CCDC73: variants seen among roughly 807,000 people sequenced by gnomAD.
The protein encoded by CCDC73 is coiled-coil domain-containing protein 73.
A neutral mutation model predicts 116.5 loss-of-function variants in CCDC73; 95 were observed. That is an observed-to-expected ratio of 0.82 (90% CI 0.69 to 0.97). CCDC73 has a LOEUF of 0.97. Among genes scored for constraint, CCDC73 ranks in the 50% least tolerant of loss-of-function variants. The pLI is 0.00. For synonymous variants in CCDC73, 398 were observed against 401.3 expected (o/e 0.99, Z 0.10); for missense variants, 1,066 against 1,206.8 (o/e 0.88, Z 1.73).
intron 1 of CCDC73, among the ~76,000 whole-genome samples, chr11:32,766,455 C>T (rs1850442987): frequency 6.6e-6 from 1 of 152,104 alleles, no homozygotes; most frequent in South Asian, 2.1e-4. Context: ...AAGTTCTGGC[C>T]AGGGCAATCA....
intron 14 of CCDC73, among the ~76,000 whole-genome samples, chr11:32,617,720 CT>C (rs1292304960): frequency 2.6e-5 from 4 of 152,120 alleles, no homozygotes; most frequent in Non-Finnish European, 5.9e-5. Flanking sequence ...AAGTAGATGA[CT>C]GGTGGATGTC....
chr11:32,662,901 C>T (rs1479281890), intron 9 of CCDC73, among the ~76,000 whole-genome samples: 1 of 152,200 alleles, frequency 6.6e-6, no homozygotes, highest in African/African-American at 2.4e-5. Flanking sequence ...CAGCTTTCTA[C>T]ATATGGCTAG....
At chr11:32,723,526 C>G (rs1428921669) in intron 2 of CCDC73, among the ~76,000 whole-genome samples, 5 of 152,086 alleles carry the variant, frequency 3.3e-5, no homozygotes, top group Non-Finnish European at 7.4e-5. Flanking sequence ...GTACAAGTAC[C>G]CAGTTACAAT....
In CCDC73 at chr11:32,619,121, C is replaced by T. The variant is rs140914358; in HGVS notation, c.1186-2992G>A. ...ATTGTTTGCATGGGTTGTCTATTTA[C>T]TCTGTTGATAGTTTTGTTTTTTTAC... On this transcript the variant is annotated intron_variant, in intron 14 of 17. Coordinates refer to ENST00000335185, the MANE Select transcript of CCDC73 (RefSeq NM_001008391.4). Among the ~76,000 whole-genome samples the T allele has an allele frequency of 7.4e-3, 1,129 of 152,228 alleles. 11 individuals are homozygous for T. Among genetic ancestry groups the T allele is most frequent in the Middle Eastern group, 0.014 (4 of 294 alleles).
chr11:32,707,324 C>G (rs952682754), intron 3 of CCDC73, among the ~76,000 whole-genome samples: 2 of 151,852 alleles, frequency 1.3e-5, no homozygotes, highest in African/African-American at 4.8e-5. Flanking sequence ...AACATTTTAC[C>G]CACTTCTTTG....
chr11:32,639,833 G>C (rs1855716710), intron 13 of CCDC73, among the ~76,000 whole-genome samples: 2 of 151,676 alleles, frequency 1.3e-5, no homozygotes, highest in Admixed American at 1.3e-4. Flanking sequence ...ACAACCATTG[G>C]TTATATATCT....
In CCDC73 at chr11:32,712,453, G is replaced by A. The variant is rs546946408; in HGVS notation, c.207+5623C>T. The stretch of plus-strand genomic sequence containing the variant: ...ATAAAAAAATAAGCATTGAAGTGAT[G>A]GATATGTTAATTAGTTTGATATAAC... On this transcript the variant is annotated intron_variant, in intron 3 of 17. Coordinates refer to ENST00000335185, the MANE Select transcript of CCDC73 (RefSeq NM_001008391.4). Among the ~76,000 whole-genome samples, 4 of 151,942 alleles carry A rather than the reference G, an allele frequency of 2.6e-5. No homozygotes were observed. The East Asian group carries it at 7.7e-4, about 29-fold the overall frequency.
At chr11:32,810,232 A>T in the CCDC73 span, among the ~76,000 whole-genome samples, 2 of 152,220 alleles carry the variant, frequency 1.3e-5, no homozygotes, top group Non-Finnish European at 2.9e-5. Context: ...ATGGAAAATT[A>T]GTTTCTTTAT....
intron 2 of CCDC73, among the ~76,000 whole-genome samples, chr11:32,759,439 T>G (rs1230176230): frequency 6.6e-6 from 1 of 151,652 alleles, no homozygotes; most frequent in Non-Finnish European, 1.5e-5. Context: ...CAAGCAATTC[T>G]TATGCCTCAG....
At chr11:32,787,069 C>T (rs1344497711) in intron 1 of CCDC73, among the ~76,000 whole-genome samples, 3 of 152,146 alleles carry the variant, frequency 2.0e-5, no homozygotes, top group Non-Finnish European at 4.4e-5. Flanking sequence ...CAGTGATTCA[C>T]TTCAGCAGAT....
chr11:32,614,969 TTTATA>T (rs1285418414), intron 15 of CCDC73, 27 bp from the exon 16 acceptor site: 1 of 1,407,526 alleles, frequency 7.1e-7, no homozygotes, highest in Non-Finnish European at 9.7e-7. Context: ...ACAGTAAAAT[TTTATA>T]TTATACACTA....
At chr11:32,713,731 T>G (rs929475869) in intron 3 of CCDC73, among the ~76,000 whole-genome samples, 4 of 152,032 alleles carry the variant, frequency 2.6e-5, no homozygotes, top group South Asian at 4.1e-4. Flanking sequence ...TGTAAAAATT[T>G]TATAGGAAAT....
rs577486797 is a variant in CCDC73 at position 32,779,772 on chromosome 11, G to A, written c.-16+14841C>T. Among the ~76,000 whole-genome samples the A allele has an allele frequency of 3.8e-4, 58 of 152,266 alleles. 1 individual carries two copies. The South Asian group carries it at 7.5e-3, about 20-fold the overall frequency. On this transcript the variant is annotated intron_variant, in intron 1 of 17. Transcript: ENST00000335185. ...CAGGTTAATCTCAAAAATATCACAT[G>A]CCTGAGAAAGTGAGAAGGACTACTT...
chr11:32,665,952 A>G (rs1855976902), intron 9 of CCDC73, among the ~76,000 whole-genome samples: 1 of 152,156 alleles, frequency 6.6e-6, no homozygotes, highest in African/African-American at 2.4e-5. Flanking sequence ...TTCTGGGTTG[A>G]AAATTATTTT....
At chr11:32,752,258 A>G (rs957714899) in intron 2 of CCDC73, among the ~76,000 whole-genome samples, 1 of 152,208 alleles carries the variant, frequency 6.6e-6, no homozygotes, top group Admixed American at 6.5e-5. Context: ...GACATGAAAT[A>G]TGGTTCATTG....
At chr11:32,775,553 T>G (rs1340430662) in intron 1 of CCDC73, among the ~76,000 whole-genome samples, 1 of 152,160 alleles carries the variant, frequency 6.6e-6, no homozygotes, top group Non-Finnish European at 1.5e-5. Flanking sequence ...TCTCTTCTAC[T>G]TTGGCCATGC....
At chr11:32,800,488 C>CT in the CCDC73 span, among the ~76,000 whole-genome samples, 1 of 151,900 alleles carries the variant, frequency 6.6e-6, no homozygotes, top group Non-Finnish European at 1.5e-5. Flanking sequence ...AAGACTTTTG[C>CT]TTTTTTCCTA....
At chr11:32,767,000 C>G (rs747609628) in intron 1 of CCDC73, among the ~76,000 whole-genome samples, 81 of 152,306 alleles carry the variant, frequency 5.3e-4, no homozygotes, top group Non-Finnish European at 8.5e-4. Context: ...CAAAGAAGAG[C>G]TCGCATTGCC....
intron 17 of CCDC73, among the ~76,000 whole-genome samples, chr11:32,609,989 C>T (rs544863740): frequency 3.3e-5 from 5 of 149,878 alleles, no homozygotes; most frequent in African/African-American, 1.2e-4. Context: ...CAGGGTTTCA[C>T]CATGTCAGCC....
Sources: gnomAD v4.1 joint callset for allele counts (sites outside exome capture counted in the v4.1 genomes callset) on GRCh38, gnomAD v4.1.1 for gene constraint, MANE v1.5 for transcripts, NCBI Gene and HGNC (gene_info 2026-07-23, HGNC 2026-07-21) for gene names.